PACRGL: variants seen among roughly 807,000 people sequenced by gnomAD.
The protein encoded by PACRGL is parkin coregulated like.
PACRGL carries 38 observed loss-of-function variants against 34.5 expected under a neutral mutation model. That is an observed-to-expected ratio of 1.10 (90% CI 0.85 to 1.44). The LOEUF (loss-of-function observed/expected upper bound fraction) is 1.44. Ranked by LOEUF, PACRGL falls within the 40% of genes most tolerant of loss-of-function variation. The pLI, the probability that PACRGL is intolerant of heterozygous loss-of-function variation, is 0.00. For synonymous variants in PACRGL, 128 were observed against 100.1 expected, an observed-to-expected ratio of 1.28 and a Z score of -1.66; for missense variants, 305 against 281.4, an observed-to-expected ratio of 1.08 and a Z score of -0.60.
chr4:20,716,126 G>A, intron 7 of PACRGL: 1 of 1,517,228 alleles, frequency 6.6e-7, no homozygotes, highest in Non-Finnish European at 8.8e-7. Context: ...CAGCTCATGA[G>A]GTTCCCAAGA....
upstream of PACRGL, among the ~76,000 whole-genome samples, chr4:20,697,731 G>A (rs138619472): frequency 2.3e-3 from 349 of 152,236 alleles, 8 homozygotes; most frequent in South Asian, 0.045. Flanking sequence ...AGTCCACATC[G>A]AAGTATCAAC....
intron 4 of PACRGL, among the ~76,000 whole-genome samples, chr4:20,709,134 C>T (rs765586607): frequency 1.3e-5 from 2 of 151,964 alleles, no homozygotes; most frequent in African/African-American, 4.8e-5. Flanking sequence ...AGTGAAACTT[C>T]GTCTCAAAAA....
intron 4 of PACRGL, among the ~76,000 whole-genome samples, chr4:20,709,180 G>A (rs1473778234): frequency 6.6e-6 from 1 of 151,824 alleles, no homozygotes; most frequent in Admixed American, 6.6e-5. Flanking sequence ...CTAATTCAGG[G>A]GCCACCACTT....
the PACRGL span, among the ~76,000 whole-genome samples, chr4:20,765,296 C>G: frequency 6.6e-6 from 1 of 152,086 alleles, no homozygotes; most frequent in African/African-American, 2.4e-5. Flanking sequence ...GGACTGAAAA[C>G]ATAGTCTCCT....
chr4:20,706,946 T>C (rs1433146313), intron 3 of PACRGL, among the ~76,000 whole-genome samples: 1 of 152,198 alleles, frequency 6.6e-6, no homozygotes, highest in African/African-American at 2.4e-5. Context: ...AACTCATGCT[T>C]TTCCAGAGGA....
chr4:20,729,949 T>TTAA lies in PACRGL; in HGVS notation c.*2609_*2611dup. 1 of 1,095,134 alleles carries TTAA rather than the reference T, an allele frequency of 9.1e-7. No individual in the cohort carries two copies. Among genetic ancestry groups the TTAA allele is most frequent in the African/African-American group, 1.6e-5 (1 of 62,176 alleles). 67.8% of individuals were successfully genotyped at this position (1,095,134 alleles called of 1,614,324 possible). On this transcript the variant is annotated 3_prime_UTR_variant, in exon 9 of 9. Transcript: ENST00000503585. The stretch of plus-strand genomic sequence containing the variant: ...CAAATCTTTTGGGGATTGCTTTATA[T>TTAA]TAAAACAAAGCTTGTTTGCATAATA...
At chr4:20,765,810 T>G in the PACRGL span, among the ~76,000 whole-genome samples, 3 of 152,200 alleles carry the variant, frequency 2.0e-5, no homozygotes, top group Non-Finnish European at 4.4e-5. Flanking sequence ...TAGATTTGTC[T>G]GTTGGTGAAG....
At chr4:20,704,880 G>A in intron 3 of PACRGL, 66 bp downstream of exon 3, 1 of 1,523,278 alleles carries the variant, frequency 6.6e-7, no homozygotes, top group Non-Finnish European at 9.0e-7. Flanking sequence ...ATTGAACAAT[G>A]CTGGATGCTG....
At chr4:20,757,093 C>T (rs1404159135), downstream of PACRGL, among the ~76,000 whole-genome samples, 2 of 152,074 alleles carry the variant, frequency 1.3e-5, no homozygotes, top group Non-Finnish European at 2.9e-5. Flanking sequence ...AGATCATTAT[C>T]GCCCTATTCC....
chr4:20,725,726 A>T (rs1745365784), intron 8 of PACRGL, among the ~76,000 whole-genome samples: 1 of 152,048 alleles, frequency 6.6e-6, no homozygotes, highest in Non-Finnish European at 1.5e-5. Flanking sequence ...CTTTAGCGAA[A>T]TACCTCATTT....
chr4:20,744,338 A>G lies in PACRGL; in HGVS notation c.*57-8227A>G, dbSNP rs1751918177. Among the ~76,000 whole-genome samples the G allele has an allele frequency of 2.6e-5, 4 of 152,244 alleles. No homozygotes were observed. In the South Asian group the frequency reaches 8.3e-4, roughly 32 times the overall value. On this transcript the variant is annotated intron_variant, in intron 8 of 8. Transcript: ENST00000507634. ...TGTTTATTGCGGCACTATTCACAGT[A>G]GCAAAGACTTGGTACCAACCCAAAT... is the stretch of plus-strand genomic sequence containing the variant.
At chr4:20,722,168 T>C (rs139471188) in intron 7 of PACRGL, among the ~76,000 whole-genome samples, 27 of 152,306 alleles carry the variant, frequency 1.8e-4, no homozygotes, top group Non-Finnish European at 2.9e-4. Flanking sequence ...GCTAAGACCA[T>C]TGGAAAAGTG....
chr4:20,737,650 G>A (rs1749968138), intron 8 of PACRGL, among the ~76,000 whole-genome samples: 1 of 152,178 alleles, frequency 6.6e-6, no homozygotes, highest in Admixed American at 6.5e-5. Flanking sequence ...GGTAGAAGAG[G>A]TAAGAATCTG....
downstream of PACRGL, chr4:20,732,808 G>A (rs771055362): frequency 2.7e-5 from 37 of 1,371,528 alleles, 1 homozygote; most frequent in South Asian, 2.9e-4. Flanking sequence ...AGGCACTCAC[G>A]TGAGGCTGCA....
chr4:20,732,776 C>T, downstream of PACRGL: 1 of 1,599,650 alleles, frequency 6.3e-7, no homozygotes, highest in Non-Finnish European at 8.6e-7. Context: ...TTCATTATAT[C>T]AAGCATTTCC....
downstream of PACRGL, chr4:20,734,743 G>GAAAT (rs753956821): frequency 7.4e-6 from 11 of 1,490,810 alleles, no homozygotes; most frequent in African/African-American, 1.4e-5. Flanking sequence ...ATCCTGAAAA[G>GAAAT]AAATAAAAAT....
downstream of PACRGL, among the ~76,000 whole-genome samples, chr4:20,754,334 C>G (rs1754140634): frequency 6.6e-6 from 1 of 152,106 alleles, no homozygotes. Context: ...AAAGCACTTT[C>G]CTGGAGGAAA....
At chr4:20,741,476 A>G (rs1013163514) in intron 8 of PACRGL, among the ~76,000 whole-genome samples, 6 of 152,262 alleles carry the variant, frequency 3.9e-5, no homozygotes, top group Non-Finnish European at 7.3e-5. Flanking sequence ...ACCACTGGGT[A>G]GATAATGAAA....
intron 6 of PACRGL, chr4:20,713,186 C>A: frequency 1.8e-6 from 1 of 540,752 alleles, no homozygotes; most frequent in Non-Finnish European, 3.2e-6. Flanking sequence ...TCAAATCAGC[C>A]TTTCTGTATG....
Sources: allele counts gnomAD v4.1 joint callset (sites outside exome capture counted in the v4.1 genomes callset), GRCh38; gene constraint gnomAD v4.1.1; transcripts MANE v1.5; gene names NCBI Gene and HGNC (gene_info 2026-07-23, HGNC 2026-07-21).